Variants in CAV1 observed in about 807,000 individuals in gnomAD.
CAV1 encodes caveolin 1.
CAV1 carries 10 observed loss-of-function variants against 16.5 expected under a neutral mutation model. That is an observed-to-expected ratio of 0.61 (90% CI 0.37 to 1.03). CAV1 has a LOEUF of 1.03. Among genes scored for constraint, CAV1 ranks in the 50% least tolerant of loss-of-function variants. The pLI, the probability that CAV1 is intolerant of heterozygous loss-of-function variation, is 0.01. For synonymous variants in CAV1, 76 were observed against 85.1 expected (o/e 0.89, Z 0.59); for missense variants, 212 against 232.8 (o/e 0.91, Z 0.58).
intron 2 of CAV1, among the ~76,000 whole-genome samples, chr7:116,530,384 A>G (rs976614676): frequency 6.6e-6 from 1 of 152,160 alleles, no homozygotes; most frequent in East Asian, 1.9e-4. Context: ...GAAACAGACC[A>G]AATATAATAT....
In CAV1 at chr7:116,555,556, GAA is replaced by G. The variant is rs1281896203; in HGVS notation, c.196-3388_196-3387del. On this transcript the variant is annotated intron_variant, in intron 2 of 2. Transcript: ENST00000341049. ...AGAGAGAGAGAGAGAAAGAAAGAAAGAAAGAAAGAAAGAAAGAAAGAAAGAAA... is the reference window on the plus strand; with the variant it reads ...AGAGAGAGAGAGAGAAAGAAAGAAAGAGAAAGAAAGAAAGAAAGAAAGAAA... 1.5e-3 allele frequency among the ~76,000 whole-genome samples: 60 copies of G among 41,074 alleles called. 3 individuals carry two copies. The highest frequency in any genetic ancestry group is 2.5e-3 in the African/African-American group (26 of 10,516). 26.9% of individuals were successfully genotyped at this position (41,074 alleles called of 152,430 possible). A position where few individuals can be genotyped will look rare whatever the true frequency, so the allele number is the denominator to read the frequency against.
At chr7:116,543,511 G>A (rs922302565) in intron 2 of CAV1, among the ~76,000 whole-genome samples, 2 of 152,204 alleles carry the variant, frequency 1.3e-5, no homozygotes, top group African/African-American at 2.4e-5. Flanking sequence ...GAACTCTGTG[G>A]TCTTCCCTCT....
At chr7:116,555,729 T>C (rs1794282735) in intron 2 of CAV1, among the ~76,000 whole-genome samples, 1 of 150,910 alleles carries the variant, frequency 6.6e-6, no homozygotes, top group Non-Finnish European at 1.5e-5. Flanking sequence ...TAAATGCTAC[T>C]ATTTTTTGGG....
chr7:116,559,311 T>C lies in CAV1; in HGVS notation c.*24T>C, dbSNP rs1794357568. The C allele has an allele frequency of 4.4e-6, 7 of 1,576,260 alleles. No individual in the cohort carries two copies. Among genetic ancestry groups the C allele is most frequent in the Non-Finnish European group, 6.1e-6 (7 of 1,146,632 alleles). On this transcript the variant is annotated 3_prime_UTR_variant, in exon 3 of 3. Coordinates refer to ENST00000341049, the MANE Select transcript of CAV1 (RefSeq NM_001753.5). ...AAATGACATTTCAAGGATAGAAGTATACCTGATTTTTTTTCCTTTTAATTT... is the reference window on the plus strand; with the variant it reads ...AAATGACATTTCAAGGATAGAAGTACACCTGATTTTTTTTCCTTTTAATTT...
chr7:116,540,344 T>C (rs995531989), intron 2 of CAV1, among the ~76,000 whole-genome samples: 7 of 152,202 alleles, frequency 4.6e-5, no homozygotes, highest in African/African-American at 1.4e-4. Flanking sequence ...TTTTCCCAGA[T>C]ATGTTTCCTT....
At chr7:116,527,790 G>A (rs969624477) in intron 2 of CAV1, among the ~76,000 whole-genome samples, 1 of 152,002 alleles carries the variant, frequency 6.6e-6, no homozygotes, top group African/African-American at 2.4e-5. Context: ...ATGGATGGGA[G>A]GAGCTATAGT....
At chr7:116,558,752 C>G (rs1794341531) in intron 2 of CAV1, among the ~76,000 whole-genome samples, 194 bp from the exon 3 acceptor site, 1 of 151,738 alleles carries the variant, frequency 6.6e-6, no homozygotes, top group South Asian at 2.1e-4. Context: ...GACCCTGTCT[C>G]AAAAAAATAA....
At chr7:116,541,245 G>T (rs181392087) in intron 2 of CAV1, among the ~76,000 whole-genome samples, 2 of 152,122 alleles carry the variant, frequency 1.3e-5, no homozygotes, top group Non-Finnish European at 2.9e-5. Flanking sequence ...AAAGGAATAA[G>T]GAGCCAAGAG....
In CAV1 at chr7:116,559,510, T is replaced by G. The variant is rs1794362134; in HGVS notation, c.*223T>G. On this transcript the variant is annotated 3_prime_UTR_variant, in exon 3 of 3. Coordinates refer to ENST00000341049, the MANE Select transcript of CAV1 (RefSeq NM_001753.5). Reference sequence around the variant, plus strand: ...ATTTTTAAAACCCATTTAAATTTTTTTCCTTACCTTTTTATTTGCATGTGG... The same window carrying G: ...ATTTTTAAAACCCATTTAAATTTTTGTCCTTACCTTTTTATTTGCATGTGG... 2.8e-5 allele frequency: 17 copies of G among 601,752 alleles called. No homozygotes were observed. The South Asian group carries it at 3.6e-4, about 13-fold the overall frequency. 37.3% of individuals were successfully genotyped at this position (601,752 alleles called of 1,614,324 possible). A position where few individuals can be genotyped will look rare whatever the true frequency, so the allele number is the denominator to read the frequency against.
At chr7:116,531,532 T>C (rs1454323002) in intron 2 of CAV1, among the ~76,000 whole-genome samples, 1 of 152,220 alleles carries the variant, frequency 6.6e-6, no homozygotes, top group African/African-American at 2.4e-5. Context: ...AGTATAACAG[T>C]CATTTATAAA....
chr7:116,526,272 G>T (rs1454087468), intron 1 of CAV1: 1 of 1,266,048 alleles, frequency 7.9e-7, no homozygotes, highest in Non-Finnish European at 1.0e-6. Flanking sequence ...GCGGCGGGCG[G>T]GGGAGGCAGG....
chr7:116,539,872 G>T (rs1257592694), intron 2 of CAV1, among the ~76,000 whole-genome samples: 1 of 152,146 alleles, frequency 6.6e-6, no homozygotes, highest in Non-Finnish European at 1.5e-5. Context: ...GAGTGTGGAG[G>T]CTGGGGGTGG....
intron 2 of CAV1, among the ~76,000 whole-genome samples, chr7:116,534,362 G>GAA (rs1293217496): frequency 2.3e-5 from 1 of 42,712 alleles, no homozygotes; most frequent in Non-Finnish European, 4.5e-5. Context: ...GCCCACCTCA[G>GAA]ATATATATAT....
At chr7:116,537,102 GAC>G (rs367726535) in intron 2 of CAV1, among the ~76,000 whole-genome samples, 191 of 148,884 alleles carry the variant, frequency 1.3e-3, no homozygotes, top group African/African-American at 4.5e-3. Flanking sequence ...TATTCTTAAA[GAC>G]ACAACCATTT....
chr7:116,530,009 CAATT>C (rs1303749939), intron 2 of CAV1, among the ~76,000 whole-genome samples: 81 of 152,238 alleles, frequency 5.3e-4, no homozygotes, highest in African/African-American at 1.5e-3. Context: ...AATTAGCCAT[CAATT>C]AATTTATTTA....
chr7:116,554,476 A>G (rs901727362), intron 2 of CAV1, among the ~76,000 whole-genome samples: 2 of 152,184 alleles, frequency 1.3e-5, no homozygotes, highest in Non-Finnish European at 2.9e-5. Context: ...GTAACTTCCT[A>G]GGGAAAAAGT....
intron 1 of CAV1, chr7:116,525,920 AAG>A (rs1003916556): frequency 1.2e-6 from 1 of 845,906 alleles, no homozygotes; most frequent in Non-Finnish European, 1.4e-6. Flanking sequence ...GTGGAGGGAC[AAG>A]AGAGGGCCGA....
chr7:116,546,690 T>A (rs1794054026), intron 2 of CAV1, among the ~76,000 whole-genome samples: 1 of 70,370 alleles, frequency 1.4e-5, no homozygotes. Flanking sequence ...AGAATGAGAC[T>A]CTGTCACAAA....
intron 2 of CAV1, among the ~76,000 whole-genome samples, chr7:116,557,856 T>A (rs909259577): frequency 6.6e-6 from 1 of 152,150 alleles, no homozygotes; most frequent in Admixed American, 6.5e-5. Context: ...AACTACTGCA[T>A]CGATTGTGGC....
Sources: gnomAD v4.1 joint callset for allele counts (sites outside exome capture counted in the v4.1 genomes callset) on GRCh38, gnomAD v4.1.1 for gene constraint, MANE v1.5 for transcripts, NCBI Gene and HGNC (gene_info 2026-07-23, HGNC 2026-07-21) for gene names.